The following TAFA5 variants were observed in gnomAD, a reference collection of about 807,000 sequenced individuals.
TAFA5 encodes TAFA chemokine like family member 5.
TAFA5 carries 6 observed loss-of-function variants against 15.3 expected under a neutral mutation model. The observed-to-expected ratio is 0.39, with a 90% CI of 0.21 to 0.77. TAFA5 has a LOEUF of 0.77. TAFA5 is among the 30% of genes least tolerant of loss of function. TAFA5 has a pLI of 0.41. For synonymous variants in TAFA5, 103 were observed against 80.7 expected (o/e 1.28, Z -1.48); for missense variants, 161 against 193.1 (o/e 0.83, Z 0.98).
At chr22:48,704,799 C>T (rs1569087130) in intron 2 of TAFA5, among the ~76,000 whole-genome samples, 1 of 152,134 alleles carries the variant, frequency 6.6e-6, no homozygotes, top group Non-Finnish European at 1.5e-5. Flanking sequence ...CGTAGCAAAA[C>T]TCCGCATACT....
chr22:48,555,311 T>A (rs917795894), intron 1 of TAFA5, among the ~76,000 whole-genome samples: 3 of 152,158 alleles, frequency 2.0e-5, no homozygotes, highest in Non-Finnish European at 4.4e-5. Flanking sequence ...GGCATTCTCC[T>A]CCCTCCTCCC....
Position 48,594,876 on chromosome 22 carries a change from C to T in TAFA5, c.113-51721C>T, listed in dbSNP as rs577571232. ...TGGAGCTGAATTTGCCTCCTGAGCA[C>T]ATTTTTTTTTTTTTTTTTGGTGCTC... On this transcript the variant is annotated intron_variant, in intron 1 of 3. Coordinates refer to ENST00000402357, the MANE Select transcript of TAFA5 (RefSeq NM_001082967.3). 7.0e-3 allele frequency among the ~76,000 whole-genome samples: 959 copies of T among 136,076 alleles called. 77 individuals carry two copies. The East Asian group carries it at 0.17, about 24-fold the overall frequency. The allele number at this position is 136,076 out of a possible 152,430, so 89.3% of individuals were successfully genotyped here.
chr22:48,553,337 C>T (rs750889726), intron 1 of TAFA5, among the ~76,000 whole-genome samples: 7 of 152,308 alleles, frequency 4.6e-5, no homozygotes, highest in Middle Eastern at 3.4e-3. Flanking sequence ...AGACACGGGT[C>T]GGTCTCAGCT....
intron 2 of TAFA5, among the ~76,000 whole-genome samples, chr22:48,681,224 C>T (rs541864469): frequency 3.7e-4 from 56 of 152,294 alleles, no homozygotes; most frequent in African/African-American, 1.2e-3. Context: ...AAGGAAAGCA[C>T]ATCCAAATGC....
At chr22:48,647,584 T>C (rs61177988) in intron 2 of TAFA5, among the ~76,000 whole-genome samples, 3,581 of 152,190 alleles carry the variant, frequency 0.024, 130 homozygotes, top group African/African-American at 0.082. Flanking sequence ...GGAAGGCATC[T>C]GGTGTCAACA....
At chr22:48,644,229 C>T (rs1013132294) in intron 1 of TAFA5, among the ~76,000 whole-genome samples, 1 of 152,190 alleles carries the variant, frequency 6.6e-6, no homozygotes, top group Non-Finnish European at 1.5e-5. Context: ...GAGGGGGCCC[C>T]GAGCGGGGGA....
At chr22:48,594,038 C>T (rs138294395) in intron 1 of TAFA5, among the ~76,000 whole-genome samples, 1 of 152,328 alleles carries the variant, frequency 6.6e-6, no homozygotes. Flanking sequence ...TGATAAATGC[C>T]AGAAAACAAA....
At position 48,662,464 on chromosome 22, in the gene TAFA5, C is replaced by T. The variant is rs77472428; in HGVS notation, c.262+15718C>T. The stretch of plus-strand genomic sequence containing the variant: ...GGCAGAAAGTGGCAGTGACTGTGGT[C>T]GCGTGGGGAAGTGTGTGATGGGGGT... On this transcript the variant is annotated intron_variant, in intron 2 of 3. Coordinates refer to ENST00000402357, the MANE Select transcript of TAFA5 (RefSeq NM_001082967.3). 2.5e-3 allele frequency among the ~76,000 whole-genome samples: 374 copies of T among 149,114 alleles called. 9 individuals are homozygous for T. The East Asian group carries it at 0.059, about 24-fold the overall frequency.
chr22:48,713,118 T>C (rs977552743), intron 3 of TAFA5, among the ~76,000 whole-genome samples: 1 of 152,240 alleles, frequency 6.6e-6, no homozygotes, highest in Non-Finnish European at 1.5e-5. Context: ...CATTCGCTAT[T>C]GAGTACCACC....
chr22:48,534,964 T>A (rs1446698774), intron 1 of TAFA5, among the ~76,000 whole-genome samples: 2 of 152,100 alleles, frequency 1.3e-5, no homozygotes, highest in Admixed American at 1.3e-4. Context: ...CCTCTCCTTT[T>A]CTTCCTAGTT....
intron 1 of TAFA5, among the ~76,000 whole-genome samples, chr22:48,512,937 A>T (rs6007875): frequency 0.2 from 29,135 of 148,380 alleles, 2,842 homozygotes; most frequent in African/African-American, 0.23. Flanking sequence ...AAAAAAAAAA[A>T]AAAAAAAGAG....
intron 1 of TAFA5, among the ~76,000 whole-genome samples, chr22:48,498,487 G>T (rs1173869142): frequency 6.6e-6 from 1 of 152,204 alleles, no homozygotes; most frequent in South Asian, 2.1e-4. Context: ...TATTTAGTAG[G>T]ACTTTTCTCG....
chr22:48,563,944 C>T (rs192223508), intron 1 of TAFA5, among the ~76,000 whole-genome samples: 19 of 152,324 alleles, frequency 1.2e-4, no homozygotes, highest in East Asian at 1.9e-4. Context: ...TTCCTGAAAC[C>T]GACGATGCTG....
chr22:48,619,994 T>C (rs935146982), intron 1 of TAFA5, among the ~76,000 whole-genome samples: 19 of 152,188 alleles, frequency 1.2e-4, no homozygotes, highest in African/African-American at 3.9e-4. Flanking sequence ...GATTTGCCTG[T>C]GTCTTAGTGA....
At chr22:48,568,925 C>T (rs558482770) in intron 1 of TAFA5, among the ~76,000 whole-genome samples, 1 of 152,270 alleles carries the variant, frequency 6.6e-6, no homozygotes, top group Admixed American at 6.5e-5. Flanking sequence ...CTTTTGTGCT[C>T]ACGGCCAGGG....
Position 48,709,050 on chromosome 22 carries a change from T to G in TAFA5, c.390+1206T>G, listed in dbSNP as rs769929828. Among the ~76,000 whole-genome samples, 24 of 152,282 alleles carry G rather than the reference T, an allele frequency of 1.6e-4. 1 individual carries two copies. In the South Asian group the frequency reaches 2.1e-3, roughly 13 times the overall value. On this transcript the variant is annotated intron_variant, in intron 3 of 3. Coordinates refer to ENST00000402357, the MANE Select transcript of TAFA5 (RefSeq NM_001082967.3). ...TGCTGCAGCCAGGATGTCAGTGAGA[T>G]GGGCAAGGCGGCACTCCAAGCCCCC...
At chr22:48,515,685 C>T (rs1238659136) in intron 1 of TAFA5, among the ~76,000 whole-genome samples, 1 of 152,224 alleles carries the variant, frequency 6.6e-6, no homozygotes, top group Non-Finnish European at 1.5e-5. Flanking sequence ...GCATCCAATG[C>T]CCAATGCAAG....
intron 1 of TAFA5, among the ~76,000 whole-genome samples, chr22:48,587,955 A>G (rs1404834232): frequency 6.6e-6 from 1 of 152,154 alleles, no homozygotes; most frequent in Non-Finnish European, 1.5e-5. Flanking sequence ...GCACTTTCCC[A>G]GCTAGGCGGG....
intron 1 of TAFA5, among the ~76,000 whole-genome samples, chr22:48,586,915 G>A (rs1211249912): frequency 2.0e-5 from 3 of 152,254 alleles, no homozygotes; most frequent in Non-Finnish European, 4.4e-5. Flanking sequence ...GTGTCTGGCT[G>A]GGCTGTAGTG....
Sources: allele counts gnomAD v4.1 joint callset (sites outside exome capture counted in the v4.1 genomes callset), GRCh38; gene constraint gnomAD v4.1.1; transcripts MANE v1.5; gene names NCBI Gene and HGNC (gene_info 2026-07-23, HGNC 2026-07-21).